Variants in SNX13 observed in about 807,000 individuals in gnomAD.
SNX13 encodes sorting nexin 13.
Under a neutral mutation model 133.6 loss-of-function variants are expected in SNX13, and 45 were observed. The observed-to-expected ratio is 0.34, with a 90% CI of 0.27 to 0.43. SNX13 has a LOEUF of 0.43. Among genes scored for constraint, SNX13 ranks in the 20% least tolerant of loss-of-function variants. The probability of loss-of-function intolerance (pLI) is 1.00; values close to 1 mark genes in which losing one functional copy is unlikely to be tolerated. For missense variants in SNX13, 1,032 were observed against 1,145.1 expected, an observed-to-expected ratio of 0.90 and a Z score of 1.43; for synonymous variants, 414 against 373.9, an observed-to-expected ratio of 1.11 and a Z score of -1.24.
intron 9 of SNX13, among the ~76,000 whole-genome samples, chr7:17,856,340 A>G (rs1791879972): frequency 6.6e-6 from 1 of 152,242 alleles, no homozygotes; most frequent in African/African-American, 2.4e-5. Context: ...AAAAGCAAGA[A>G]ATTAAAACAT....
chr7:17,828,195 T>C (rs1788117901), intron 16 of SNX13, among the ~76,000 whole-genome samples: 1 of 151,746 alleles, frequency 6.6e-6, no homozygotes, highest in Admixed American at 6.6e-5. Flanking sequence ...ACAGTTATAG[T>C]GCACGTAAAT....
At chr7:17,852,726 T>A (rs1237134468) in intron 9 of SNX13, among the ~76,000 whole-genome samples, 1 of 152,114 alleles carries the variant, frequency 6.6e-6, no homozygotes, top group Non-Finnish European at 1.5e-5. Flanking sequence ...ATAAGAATGA[T>A]CATATAAAGA....
chr7:17,797,428 T>C (rs7797640), intron 24 of SNX13, among the ~76,000 whole-genome samples: 3,769 of 151,956 alleles, frequency 0.025, 163 homozygotes, highest in African/African-American at 0.084. Context: ...ATAATGGTCC[T>C]TTCACAAGTA....
chr7:17,907,321 G>C (rs1420832829), intron 1 of SNX13: 1 of 152,090 alleles, frequency 6.6e-6, no homozygotes, highest in Non-Finnish European at 1.5e-5. Context: ...GGAGCTTCCA[G>C]TCAAGTTTTT....
At chr7:17,808,735 C>A (rs965351941) in intron 20 of SNX13, among the ~76,000 whole-genome samples, 1 of 152,112 alleles carries the variant, frequency 6.6e-6, no homozygotes, top group Non-Finnish European at 1.5e-5. Flanking sequence ...AAGGGAAGCC[C>A]GTCAGACTAA....
chr7:17,854,345 A>G (rs1232179203), intron 9 of SNX13, among the ~76,000 whole-genome samples: 1 of 152,244 alleles, frequency 6.6e-6, no homozygotes, highest in Non-Finnish European at 1.5e-5. Context: ...TAGAGCAACC[A>G]CTAAAATAAT....
chr7:17,940,202 C>G, intron 1 of SNX13, 82 bp downstream of exon 1: 2 of 1,536,168 alleles, frequency 1.3e-6, no homozygotes, highest in Non-Finnish European at 1.8e-6. Flanking sequence ...GCCCACCTTC[C>G]GTACAGATGA....
At chr7:17,874,813 A>G (rs1285791181) in intron 7 of SNX13, among the ~76,000 whole-genome samples, 2 of 152,190 alleles carry the variant, frequency 1.3e-5, no homozygotes, top group African/African-American at 4.8e-5. Context: ...AACTCCTACC[A>G]ATAAAAGACA....
At chr7:17,805,254 T>TGCGTGCGCGC (rs1554304326) in intron 20 of SNX13, among the ~76,000 whole-genome samples, 2 of 132,526 alleles carry the variant, frequency 1.5e-5, no homozygotes, top group East Asian at 2.1e-4. Flanking sequence ...TGTGTGTGCG[T>TGCGTGCGCGC]GCGCGCGCGC....
At chr7:17,855,239 T>G (rs1359455620) in intron 9 of SNX13, among the ~76,000 whole-genome samples, 2 of 152,132 alleles carry the variant, frequency 1.3e-5, no homozygotes, top group African/African-American at 4.8e-5. Flanking sequence ...ATTGGAGGTT[T>G]GAGGAAAGAA....
rs750650872 is a variant in SNX13 at position 17,940,389 on chromosome 7, G to A, written c.-94C>T. On this transcript the variant is annotated 5_prime_UTR_variant, in exon 1 of 26. Coordinates refer to ENST00000428135, the MANE Select transcript of SNX13 (RefSeq NM_015132.5). Reference sequence around the variant, plus strand: ...AACTGCTCGGGCCGCCGCCAACGGCGGCAACTGCTCCTTCAGTCTTCTCCC... The same window carrying A: ...AACTGCTCGGGCCGCCGCCAACGGCAGCAACTGCTCCTTCAGTCTTCTCCC... 1.8e-4 allele frequency: 254 copies of A among 1,415,018 alleles called. No individual in the cohort carries two copies. The highest frequency in any genetic ancestry group is 3.1e-5 in the Non-Finnish European group (32 of 1,025,940). The allele number at this position is 1,415,018 out of a possible 1,614,324, so 87.7% of individuals were successfully genotyped here.
chr7:17,803,756 G>T (rs559812004), intron 20 of SNX13, among the ~76,000 whole-genome samples, 176 bp from the exon 21 acceptor site: 1 of 151,772 alleles, frequency 6.6e-6, no homozygotes, highest in Admixed American at 6.6e-5. Context: ...TCTTAAAAAC[G>T]TATTTTCAGC....
chr7:17,814,212 A>G (rs557446989), intron 20 of SNX13, among the ~76,000 whole-genome samples: 2 of 152,262 alleles, frequency 1.3e-5, no homozygotes, highest in East Asian at 1.9e-4. Context: ...TTAAATCTTC[A>G]TTTCTTGAGT....
intron 1 of SNX13, among the ~76,000 whole-genome samples, chr7:17,919,516 C>A (rs902270456): frequency 1.3e-5 from 2 of 152,128 alleles, no homozygotes; most frequent in African/African-American, 4.8e-5. Context: ...CCTACCATAG[C>A]CAAAGAAAAA....
intron 9 of SNX13, among the ~76,000 whole-genome samples, chr7:17,867,560 T>C (rs761814482): frequency 6.6e-5 from 10 of 151,868 alleles, no homozygotes; most frequent in Non-Finnish European, 1.0e-4. Context: ...TGAGCCAAGA[T>C]TGTCACTGCA....
intron 5 of SNX13, chr7:17,880,842 A>G (rs1795253703): frequency 6.6e-6 from 1 of 152,196 alleles, no homozygotes; most frequent in South Asian, 2.1e-4. Flanking sequence ...GCTTCATTAA[A>G]GAGGCTACAC....
In SNX13 at chr7:17,791,054, C is replaced by T. The variant is rs1339265990; in HGVS notation, c.*2991G>A. ...AATTTACTACTAATAAAAGAATTTTCCAAGGAGTGACAAAAAGACTTTTAA... is the reference window on the plus strand; with the variant it reads ...AATTTACTACTAATAAAAGAATTTTTCAAGGAGTGACAAAAAGACTTTTAA... On this transcript the variant is annotated 3_prime_UTR_variant, in exon 26 of 26. Transcript: ENST00000428135. 1 of 151,872 alleles carries T rather than the reference C, an allele frequency of 6.6e-6. No homozygotes were observed. The highest frequency in any genetic ancestry group is 1.5e-5 in the Non-Finnish European group (1 of 67,876). 9.4% of individuals were successfully genotyped at this position (151,872 alleles called of 1,614,324 possible).
chr7:17,853,052 G>A (rs916340360), intron 9 of SNX13, among the ~76,000 whole-genome samples: 6 of 152,116 alleles, frequency 3.9e-5, no homozygotes, highest in African/African-American at 1.2e-4. Flanking sequence ...TAAAAGAGTT[G>A]GTCAGAAGAG....
chr7:17,842,786 G>A (rs575713879), intron 12 of SNX13, among the ~76,000 whole-genome samples: 24 of 152,044 alleles, frequency 1.6e-4, no homozygotes, highest in East Asian at 3.9e-4. Flanking sequence ...GTTTTGTGAC[G>A]TCATCAAAAG....
Sources: gnomAD v4.1 joint callset for allele counts (sites outside exome capture counted in the v4.1 genomes callset) on GRCh38, gnomAD v4.1.1 for gene constraint, MANE v1.5 for transcripts, NCBI Gene and HGNC (gene_info 2026-07-23, HGNC 2026-07-21) for gene names.